AXDND1: variants seen among roughly 807,000 people sequenced by gnomAD.
AXDND1 encodes axonemal dynein light chain domain-containing protein 1.
AXDND1 carries 110 observed loss-of-function variants against 137.5 expected under a neutral mutation model. The ratio of observed to expected loss-of-function variants is 0.80; its 90% CI spans 0.69 to 0.94. The LOEUF is 0.94. Ranked by LOEUF, AXDND1 falls within the 40% of genes least tolerant of loss-of-function variation. The pLI, the probability that AXDND1 is intolerant of heterozygous loss-of-function variation, is 0.00. For synonymous variants in AXDND1, 414 were observed against 399.7 expected, an observed-to-expected ratio of 1.04 and a Z score of -0.43; for missense variants, 1,191 against 1,169.8, an observed-to-expected ratio of 1.02 and a Z score of -0.26.
chr1:179,502,734 C>G (rs10218630), intron 20 of AXDND1, among the ~76,000 whole-genome samples: 1 of 151,896 alleles, frequency 6.6e-6, no homozygotes, highest in East Asian at 1.9e-4. Flanking sequence ...TTGCAACAAA[C>G]AATTCTATTC....
Position 179,371,788 on chromosome 1 carries a change from G to A in AXDND1, c.374+1710G>A, listed in dbSNP as rs935919144. ...TGACATTGCTGGCTTTGAAGAAGGA[G>A]GAAGGGGAAAAGCAGCCAAGAAATG... On this transcript the variant is annotated intron_variant, in intron 4 of 25. Transcript: ENST00000367618. Among the ~76,000 whole-genome samples the A allele has an allele frequency of 5.3e-5, 8 of 152,320 alleles. 1 individual carries two copies. The East Asian group carries it at 1.2e-3, about 22-fold the overall frequency.
At chr1:179,391,773 G>A (rs1650246749) in intron 9 of AXDND1, among the ~76,000 whole-genome samples, 1 of 152,004 alleles carries the variant, frequency 6.6e-6, no homozygotes, top group Admixed American at 6.6e-5. Context: ...CCTGACCTCA[G>A]GTGATTCACC....
At chr1:179,416,727 G>T (rs539685666) in intron 12 of AXDND1, among the ~76,000 whole-genome samples, 8 of 152,260 alleles carry the variant, frequency 5.3e-5, no homozygotes, top group Middle Eastern at 3.4e-3. Flanking sequence ...CTGTTCTGGA[G>T]GGTTGCTTTT....
At chr1:179,442,287 G>A (rs12729895) in intron 15 of AXDND1, among the ~76,000 whole-genome samples, 44,464 of 152,158 alleles carry the variant, frequency 0.29, 6,714 homozygotes, top group Non-Finnish European at 0.31. Flanking sequence ...TGGGACGACA[G>A]ATTCTTTCAG....
intron 25 of AXDND1, among the ~76,000 whole-genome samples, chr1:179,537,436 A>G (rs550875388): frequency 3.3e-5 from 5 of 152,314 alleles, no homozygotes; most frequent in African/African-American, 1.2e-4. Flanking sequence ...CCTTTTCTGC[A>G]TCTATTGAGA....
chr1:179,376,612 C>T (rs966740241), intron 4 of AXDND1, among the ~76,000 whole-genome samples: 5 of 152,184 alleles, frequency 3.3e-5, no homozygotes, highest in African/African-American at 1.2e-4. Context: ...CTAATTGTTA[C>T]TGCTTCCCGA....
At chr1:179,368,170 A>G (rs1051636050) in intron 2 of AXDND1, among the ~76,000 whole-genome samples, 36 of 152,150 alleles carry the variant, frequency 2.4e-4, no homozygotes, top group African/African-American at 8.5e-4. Context: ...GGCTTTTCCT[A>G]CATTATCCCA....
intron 25 of AXDND1, among the ~76,000 whole-genome samples, chr1:179,540,646 T>C (rs925383291): frequency 6.6e-6 from 1 of 152,264 alleles, no homozygotes; most frequent in South Asian, 2.1e-4. Context: ...CTGGGAGGTA[T>C]CTCCCAGTCA....
At chr1:179,388,811 G>A (rs1649635011) in intron 9 of AXDND1, among the ~76,000 whole-genome samples, 1 of 149,424 alleles carries the variant, frequency 6.7e-6, no homozygotes, top group South Asian at 2.1e-4. Flanking sequence ...GGCCAGGCTA[G>A]TCTTGAACTC....
chr1:179,551,791 G>T (rs1043654210), intron 25 of AXDND1: 2 of 303,840 alleles, frequency 6.6e-6, no homozygotes, highest in Non-Finnish European at 1.2e-5. Context: ...GTTATGAAAG[G>T]GTGACCCCCA....
rs554262473 is a variant in AXDND1, at chr1:179,518,514, T to A, written c.2497-6820T>A. ...GGTATTGAGCCTAGTACCCATTAGC[T>A]GTTTTTCTTGATCCTCTCCCTCTGT... On this transcript the variant is annotated intron_variant, in intron 21 of 25. Transcript: ENST00000367618. Among the ~76,000 whole-genome samples, 46 of 152,278 alleles carry A rather than the reference T, an allele frequency of 3.0e-4. 1 individual carries two copies. In the South Asian group the frequency reaches 6.8e-3, roughly 23 times the overall value.
intron 6 of AXDND1, among the ~76,000 whole-genome samples, chr1:179,381,442 C>G (rs1251153035): frequency 6.7e-6 from 1 of 148,874 alleles, no homozygotes; most frequent in African/African-American, 2.5e-5. Flanking sequence ...CCCTTGGGTT[C>G]AAGCAATTCT....
intron 15 of AXDND1, among the ~76,000 whole-genome samples, chr1:179,443,246 C>A (rs992691131): frequency 6.6e-6 from 1 of 152,166 alleles, no homozygotes; most frequent in African/African-American, 2.4e-5. Flanking sequence ...TTGGTCCCGT[C>A]CCACGGGGCT....
chr1:179,457,192 A>T (rs111977081), intron 16 of AXDND1: 8 of 761,488 alleles, frequency 1.1e-5, no homozygotes, highest in African/African-American at 1.7e-5. Flanking sequence ...TGGTATTTGG[A>T]TCTCATTACC....
intron 25 of AXDND1, among the ~76,000 whole-genome samples, chr1:179,537,260 G>A (rs1044826460): frequency 6.6e-6 from 1 of 152,168 alleles, no homozygotes; most frequent in African/African-American, 2.4e-5. Flanking sequence ...AATAGGAGTG[G>A]TGAGAAAGGG....
chr1:179,461,045 CTTTAG>C (rs1257337803), intron 16 of AXDND1, among the ~76,000 whole-genome samples: 2 of 152,228 alleles, frequency 1.3e-5, no homozygotes, highest in South Asian at 2.1e-4. Flanking sequence ...TGCAGAAGCT[CTTTAG>C]TTTAATTAGA....
intron 11 of AXDND1, among the ~76,000 whole-genome samples, chr1:179,410,299 C>T (rs1052073215): frequency 2.6e-5 from 4 of 152,152 alleles, no homozygotes; most frequent in Admixed American, 6.6e-5. Context: ...GGCGCGATCT[C>T]GGCTCACTGC....
At chr1:179,395,544 G>T (rs1045704101) in intron 11 of AXDND1, among the ~76,000 whole-genome samples, 3 of 152,152 alleles carry the variant, frequency 2.0e-5, no homozygotes, top group African/African-American at 7.2e-5. Flanking sequence ...CCTTTGGGAA[G>T]TCACTTAACT....
Position 179,432,103 on chromosome 1 carries a change from A to G in AXDND1, c.1488-164A>G, listed in dbSNP as rs185729728. Among the ~76,000 whole-genome samples, 12 of 152,320 alleles carry G rather than the reference A, an allele frequency of 7.9e-5. No individual in the cohort carries two copies. The East Asian group carries it at 2.3e-3, about 29-fold the overall frequency. On this transcript the variant is annotated intron_variant, in intron 14 of 25. Coordinates refer to ENST00000367618, the MANE Select transcript of AXDND1 (RefSeq NM_144696.6). ...AATAGAATCTGAATTTATGTTTACAAATTTAATGATAAATACCTGTGGGGA... is the reference window on the plus strand; with the variant it reads ...AATAGAATCTGAATTTATGTTTACAGATTTAATGATAAATACCTGTGGGGA...
Sources: allele counts gnomAD v4.1 joint callset (sites outside exome capture counted in the v4.1 genomes callset), GRCh38; gene constraint gnomAD v4.1.1; transcripts MANE v1.5; gene names NCBI Gene and HGNC (gene_info 2026-07-23, HGNC 2026-07-21).